Variants in DPP6 observed in about 807,000 individuals in gnomAD.
The protein encoded by DPP6 is dipeptidyl peptidase like 6, also known as A-type potassium channel modulatory protein DPP6.
In DPP6, 69 loss-of-function variants were observed where a neutral mutation model predicts 122.6. The observed-to-expected ratio is 0.56, with a 90% confidence interval of 0.46 to 0.69. The LOEUF is 0.69. Ranked by LOEUF, DPP6 falls within the 30% of genes least tolerant of loss-of-function variation. The probability of loss-of-function intolerance (pLI) is 0.00; values close to 1 mark genes in which losing one functional copy is unlikely to be tolerated. For synonymous variants in DPP6, 418 were observed against 433.1 expected, an observed-to-expected ratio of 0.97 and a Z score of 0.43; for missense variants, 928 against 1,116.9, an observed-to-expected ratio of 0.83 and a Z score of 2.41.
At chr7:154,699,662 G>A (rs1372779770) in intron 7 of DPP6, among the ~76,000 whole-genome samples, 1 of 152,228 alleles carries the variant, frequency 6.6e-6, no homozygotes, top group African/African-American at 2.4e-5. Flanking sequence ...TATGTCTGGG[G>A]TGGGGCCTGA....
At chr7:154,148,435 G>A (rs1056126564) in intron 1 of DPP6, among the ~76,000 whole-genome samples, 2 of 150,936 alleles carry the variant, frequency 1.3e-5, no homozygotes, top group African/African-American at 4.9e-5. Flanking sequence ...AGGCTCTGCT[G>A]CTTTCTGACG....
At chr7:154,542,203 C>T (rs1828783666) in intron 4 of DPP6, among the ~76,000 whole-genome samples, 1 of 152,160 alleles carries the variant, frequency 6.6e-6, no homozygotes, top group Middle Eastern at 3.4e-3. Flanking sequence ...AAATAGTATT[C>T]TGCAAAGTAG....
intron 6 of DPP6, among the ~76,000 whole-genome samples, chr7:154,666,665 C>A (rs1444650682): frequency 1.3e-5 from 2 of 152,158 alleles, no homozygotes; most frequent in Admixed American, 1.3e-4. Context: ...CTCCCACTCC[C>A]AGCCTCTGGT....
chr7:154,555,025 A>G (rs10280636), intron 4 of DPP6, among the ~76,000 whole-genome samples: 46,152 of 151,940 alleles, frequency 0.3, 7,867 homozygotes, highest in African/African-American at 0.46. Flanking sequence ...GTTGTTTACC[A>G]AGAACCAACC....
At chr7:154,865,363 G>A (rs1434149948) in intron 17 of DPP6, 1 of 152,214 alleles carries the variant, frequency 6.6e-6, no homozygotes, top group Non-Finnish European at 1.5e-5. Context: ...GAGACCACAG[G>A]TTCTCCAAGG....
intron 10 of DPP6, among the ~76,000 whole-genome samples, chr7:154,784,496 A>AT (rs1200270319): frequency 2.0e-5 from 3 of 152,000 alleles, no homozygotes; most frequent in Non-Finnish European, 2.9e-5. Flanking sequence ...TTGTTCCTTC[A>AT]TTTTTTTTCT....
chr7:153,771,364 G>A, the DPP6 span, among the ~76,000 whole-genome samples: 3 of 152,106 alleles, frequency 2.0e-5, no homozygotes, highest in Non-Finnish European at 4.4e-5. Flanking sequence ...TTTTGAGATG[G>A]AGTCTCACTC....
At chr7:154,045,096 T>A (rs1799953487) in intron 1 of DPP6, among the ~76,000 whole-genome samples, 1 of 151,786 alleles carries the variant, frequency 6.6e-6, no homozygotes, top group Admixed American at 6.6e-5. Flanking sequence ...CTTCCTGACA[T>A]GAAACTTAAA....
intron 4 of DPP6, among the ~76,000 whole-genome samples, chr7:154,558,497 C>A (rs1316018614): frequency 6.6e-6 from 1 of 152,182 alleles, no homozygotes; most frequent in African/African-American, 2.4e-5. Context: ...CACATAATGG[C>A]ATCTTAGTCA....
chr7:154,656,580 A>G (rs1039997947), intron 6 of DPP6, among the ~76,000 whole-genome samples: 3 of 152,204 alleles, frequency 2.0e-5, no homozygotes, highest in Non-Finnish European at 4.4e-5. Flanking sequence ...AATGGATGGA[A>G]GCCATATTGC....
chr7:154,341,279 G>A (rs929423263), intron 1 of DPP6, among the ~76,000 whole-genome samples: 7 of 152,154 alleles, frequency 4.6e-5, no homozygotes, highest in African/African-American at 9.7e-5. Context: ...GTATGTCAGC[G>A]TCAGTGCAGG....
the DPP6 span, among the ~76,000 whole-genome samples, chr7:153,812,207 C>T: frequency 6.6e-6 from 1 of 152,148 alleles, no homozygotes; most frequent in Admixed American, 6.6e-5. Context: ...CCCTGACCCT[C>T]TCTCGTGCAT....
intron 1 of DPP6, among the ~76,000 whole-genome samples, chr7:153,912,032 A>G (rs1025223171): frequency 6.6e-6 from 1 of 152,158 alleles, no homozygotes; most frequent in Non-Finnish European, 1.5e-5. Flanking sequence ...GCTAACACAA[A>G]TTGTCTTTAT....
At chr7:154,493,415 A>T (rs1213059609) in intron 3 of DPP6, among the ~76,000 whole-genome samples, 1 of 152,196 alleles carries the variant, frequency 6.6e-6, no homozygotes, top group Non-Finnish European at 1.5e-5. Context: ...TGCACTCATC[A>T]CAGGCCTCAC....
chr7:154,381,423 G>A (rs1344619944), intron 1 of DPP6, among the ~76,000 whole-genome samples: 1 of 152,184 alleles, frequency 6.6e-6, no homozygotes, highest in African/African-American at 2.4e-5. Flanking sequence ...CACATGTAAT[G>A]CCTCTATATG....
At chr7:154,201,137 T>C (rs1047556760) in intron 1 of DPP6, among the ~76,000 whole-genome samples, 35 of 152,010 alleles carry the variant, frequency 2.3e-4, no homozygotes, top group Non-Finnish European at 4.6e-4. Flanking sequence ...TTGTTGTTGT[T>C]TTTTTTTGAG....
chr7:154,384,504 G>A (rs2151150106), intron 1 of DPP6, among the ~76,000 whole-genome samples: 1 of 152,230 alleles, frequency 6.6e-6, no homozygotes, highest in South Asian at 2.1e-4. Context: ...GTGCAGGGTG[G>A]TGTCTTGATG....
chr7:154,017,727 TAA>T (rs61261080), intron 1 of DPP6, among the ~76,000 whole-genome samples: 1,179 of 109,440 alleles, frequency 0.011, 20 homozygotes, highest in African/African-American at 0.042. Context: ...AATAAAAAAA[TAA>T]AAAAAAAAAA....
the DPP6 span, among the ~76,000 whole-genome samples, chr7:153,748,234 C>T: frequency 6.6e-6 from 1 of 152,022 alleles, no homozygotes; most frequent in South Asian, 2.1e-4. Flanking sequence ...TCTCTTTCGC[C>T]TGTGCAGTGG....
Sources: gnomAD v4.1 joint callset for allele counts (sites outside exome capture counted in the v4.1 genomes callset) on GRCh38, gnomAD v4.1.1 for gene constraint, MANE v1.5 for transcripts, NCBI Gene and HGNC (gene_info 2026-07-23, HGNC 2026-07-21) for gene names.